LRRTM4: variants seen among roughly 807,000 people sequenced by gnomAD.
The protein encoded by LRRTM4 is leucine-rich repeat transmembrane neuronal protein 4.
LRRTM4 carries 25 observed loss-of-function variants against 47.6 expected under a neutral mutation model. The observed-to-expected ratio is 0.53, with a 90% CI of 0.38 to 0.73. The LOEUF (loss-of-function observed/expected upper bound fraction) is 0.73, where lower values mean the gene tolerates loss of function less well. Among genes scored for constraint, LRRTM4 ranks in the 30% least tolerant of loss-of-function variants. The pLI is 0.00. For missense variants in LRRTM4, 638 were observed against 713.4 expected, an observed-to-expected ratio of 0.89 and a Z score of 1.20; for synonymous variants, 311 against 269.5, an observed-to-expected ratio of 1.15 and a Z score of -1.51.
At chr2:76,788,854 T>G (rs1674820614) in intron 3 of LRRTM4, among the ~76,000 whole-genome samples, 1 of 150,044 alleles carries the variant, frequency 6.7e-6, no homozygotes. Flanking sequence ...ATGATAAATG[T>G]TTTTGTGTCT....
chr2:77,203,847 C>T (rs997729842), intron 3 of LRRTM4, among the ~76,000 whole-genome samples: 5 of 152,082 alleles, frequency 3.3e-5, no homozygotes, highest in Admixed American at 1.3e-4. Flanking sequence ...TACTGTTCCA[C>T]GAGATATCTA....
chr2:77,351,482 G>A (rs1671773741), intron 3 of LRRTM4, among the ~76,000 whole-genome samples: 1 of 151,700 alleles, frequency 6.6e-6, no homozygotes, highest in Non-Finnish European at 1.5e-5. Context: ...AAAACCTTAT[G>A]ATACATCTGA....
chr2:77,276,642 C>A, intron 3 of LRRTM4, among the ~76,000 whole-genome samples: 1 of 126,460 alleles, frequency 7.9e-6, no homozygotes, highest in African/African-American at 2.8e-5. Context: ...CTGATGCAAT[C>A]AATAGAAGAT....
chr2:77,226,392 A>T (rs1288125934), intron 3 of LRRTM4, among the ~76,000 whole-genome samples: 3 of 151,772 alleles, frequency 2.0e-5, no homozygotes, highest in African/African-American at 7.2e-5. Context: ...TGTTTTTGTC[A>T]TGAGAGCATA....
At chr2:77,286,966 C>G (rs1029338884) in intron 3 of LRRTM4, among the ~76,000 whole-genome samples, 4 of 151,980 alleles carry the variant, frequency 2.6e-5, no homozygotes, top group Non-Finnish European at 4.4e-5. Flanking sequence ...TTCTTCTAGT[C>G]TGGGAGAGTA....
chr2:77,137,291 A>G (rs1365798611), intron 3 of LRRTM4, among the ~76,000 whole-genome samples: 5 of 152,080 alleles, frequency 3.3e-5, no homozygotes, highest in African/African-American at 1.2e-4. Context: ...CAGAAACTCT[A>G]CAAGCCAGAA....
chr2:76,929,226 GT>G (rs1285911674), intron 3 of LRRTM4, among the ~76,000 whole-genome samples: 1 of 152,084 alleles, frequency 6.6e-6, no homozygotes, highest in Non-Finnish European at 1.5e-5. Flanking sequence ...GAAAGAAGAG[GT>G]TTTGTTTGCT....
chr2:77,442,325 T>A (rs1245138802), intron 3 of LRRTM4, among the ~76,000 whole-genome samples: 1 of 152,212 alleles, frequency 6.6e-6, no homozygotes, highest in African/African-American at 2.4e-5. Context: ...TGGCAGTCTT[T>A]TTCTTTCTAA....
At chr2:77,217,014 G>C (rs1047901885) in intron 3 of LRRTM4, among the ~76,000 whole-genome samples, 2 of 150,952 alleles carry the variant, frequency 1.3e-5, no homozygotes, top group African/African-American at 4.9e-5. Context: ...CAGAGGTTGC[G>C]GTGAGCCGAG....
Position 77,519,773 on chromosome 2 carries a change from T to C in LRRTM4, c.96A>G (p.Arg32=). 3.1e-6 allele frequency: 5 copies of C among 1,613,162 alleles called. No homozygotes were observed. The highest frequency in any genetic ancestry group is 4.2e-6 in the Non-Finnish European group (5 of 1,179,524). ...LLLVMLTGAQ[R]ACPKNCRCDG... is the part of the protein sequence containing the mutation. ...CACATCTGCAGTTCTTTGGGCAAGC[T>C]CTCTGAGCACCCGTGAGCATAACAA... The change falls in exon 3 of 4, where the codon AGA becomes AGG. Residue 32 remains arginine, a synonymous_variant. Coordinates refer to ENST00000409884, the MANE Select transcript of LRRTM4 (RefSeq NM_001134745.3). This position sits in a 1 kb window ranked among gnomAD's most constrained non-coding sequence, Gnocchi z 4.6.
intron 3 of LRRTM4, among the ~76,000 whole-genome samples, chr2:77,323,435 T>A (rs773838998): frequency 1.6e-4 from 24 of 152,150 alleles, no homozygotes; most frequent in Non-Finnish European, 2.8e-4. Context: ...TTTTTTGGAG[T>A]CCACCCTACG....
At chr2:76,944,415 A>C (rs1276364211) in intron 3 of LRRTM4, among the ~76,000 whole-genome samples, 1 of 152,134 alleles carries the variant, frequency 6.6e-6, no homozygotes, top group Non-Finnish European at 1.5e-5. Flanking sequence ...TTACTCAAAA[A>C]TATTGAAAGC....
At chr2:77,439,723 G>T (rs1675757221) in intron 3 of LRRTM4, among the ~76,000 whole-genome samples, 1 of 152,064 alleles carries the variant, frequency 6.6e-6, no homozygotes, top group Non-Finnish European at 1.5e-5. Context: ...AACAGCAAAA[G>T]AATAATTATT....
intron 3 of LRRTM4, among the ~76,000 whole-genome samples, chr2:77,229,085 C>A (rs1189236790): frequency 1.3e-5 from 2 of 151,766 alleles, no homozygotes; most frequent in Admixed American, 6.6e-5. Flanking sequence ...TTCATCATGC[C>A]CCCTCCCTCC....
At chr2:77,085,150 T>C (rs887932582) in intron 3 of LRRTM4, among the ~76,000 whole-genome samples, 12 of 152,132 alleles carry the variant, frequency 7.9e-5, no homozygotes, top group African/African-American at 2.9e-4. Context: ...TAGATACAAC[T>C]AAATTTATGA....
At chr2:76,821,503 A>G (rs1413857738) in intron 3 of LRRTM4, among the ~76,000 whole-genome samples, 3 of 151,696 alleles carry the variant, frequency 2.0e-5, no homozygotes, top group East Asian at 1.9e-4. Context: ...AGAAATCTAA[A>G]GGCACACTCC....
At chr2:77,422,604 T>C (rs1305566377) in intron 3 of LRRTM4, among the ~76,000 whole-genome samples, 1 of 152,196 alleles carries the variant, frequency 6.6e-6, no homozygotes, top group Non-Finnish European at 1.5e-5. Context: ...GAAACCATCA[T>C]AGAAATTTGA....
At chr2:76,782,128 C>T (rs1050500936) in intron 3 of LRRTM4, among the ~76,000 whole-genome samples, 1 of 152,314 alleles carries the variant, frequency 6.6e-6, no homozygotes, top group Admixed American at 6.5e-5. Context: ...AGCTATCTTG[C>T]ACCCGCATAA....
chr2:76,974,439 G>T (rs1355680259), intron 3 of LRRTM4, among the ~76,000 whole-genome samples: 1 of 150,602 alleles, frequency 6.6e-6, no homozygotes, highest in Non-Finnish European at 1.5e-5. Flanking sequence ...TATTATTATT[G>T]TTACAACATA....
Sources: gnomAD v4.1 joint callset for allele counts (sites outside exome capture counted in the v4.1 genomes callset) on GRCh38, gnomAD v4.1.1 for gene constraint, Gnocchi (gnomAD v3.1) non-coding constraint, MANE v1.5 for transcripts, NCBI Gene and HGNC (gene_info 2026-07-23, HGNC 2026-07-21) for gene names.